SOX6: variants seen among roughly 807,000 people sequenced by gnomAD.
SOX6 encodes the protein transcription factor SOX-6.
In SOX6, 11 loss-of-function variants were observed where a neutral mutation model predicts 97.8. That is an observed-to-expected ratio of 0.11 (90% confidence interval 0.07 to 0.19). The LOEUF is 0.19. Among genes scored for constraint, SOX6 ranks in the 10% least tolerant of loss-of-function variants. SOX6 has a pLI of 1.00. For synonymous variants in SOX6, 360 were observed against 371.4 expected, an observed-to-expected ratio of 0.97 and a Z score of 0.35; for missense variants, 810 against 1,039.5, an observed-to-expected ratio of 0.78 and a Z score of 3.04.
chr11:16,175,351 G>A (rs1326088996), intron 6 of SOX6, among the ~76,000 whole-genome samples: 1 of 151,882 alleles, frequency 6.6e-6, no homozygotes, highest in Non-Finnish European at 1.5e-5. Flanking sequence ...CAAAGCTACT[G>A]TAAGGTATTG....
intron 4 of SOX6, chr11:16,567,454 G>A (rs1024459124): frequency 1.3e-5 from 2 of 152,080 alleles, no homozygotes; most frequent in Non-Finnish European, 2.9e-5. Flanking sequence ...ACGGTTGGTG[G>A]CCATTGTTGT....
chr11:16,122,600 T>C (rs1849520460), intron 6 of SOX6, among the ~76,000 whole-genome samples: 1 of 152,040 alleles, frequency 6.6e-6, no homozygotes, highest in Non-Finnish European at 1.5e-5. Context: ...AAGTATTTTA[T>C]GCAACCTTAT....
chr11:16,423,107 C>T (rs1859052097), intron 1 of SOX6, among the ~76,000 whole-genome samples: 1 of 152,206 alleles, frequency 6.6e-6, no homozygotes, highest in Non-Finnish European at 1.5e-5. Flanking sequence ...TACCAGCTAT[C>T]TTTCTAATGT....
At position 15,966,900 on chromosome 11, in the gene SOX6, A is replaced by G. The variant is rs546362089; in HGVS notation, c.*5909T>C. 1 of 152,304 alleles carries G rather than the reference A, an allele frequency of 6.6e-6. No homozygotes were observed. Among genetic ancestry groups the G allele is most frequent in the Admixed American group, 6.5e-5 (1 of 15,302 alleles). The allele number at this position is 152,304 out of a possible 1,614,324, so 9.4% of individuals were successfully genotyped here. A position where few individuals can be genotyped will look rare whatever the true frequency, so the allele number is the denominator to read the frequency against. On this transcript the variant is annotated 3_prime_UTR_variant, in exon 16 of 16. Coordinates refer to ENST00000683767, the MANE Select transcript of SOX6 (RefSeq NM_001367873.1). ...CTAAGAACAATGATTCATTCCTGTA[A>G]ATTTGAAGAGATTTTTTTTATTTTT...
chr11:16,660,304 T>C (rs1847756611), intron 3 of SOX6, among the ~76,000 whole-genome samples: 1 of 152,244 alleles, frequency 6.6e-6, no homozygotes, highest in South Asian at 2.1e-4. Flanking sequence ...ATTTTTATTT[T>C]AATTTACCTC....
At chr11:16,517,800 A>G (rs1860997261) in intron 4 of SOX6, among the ~76,000 whole-genome samples, 1 of 152,192 alleles carries the variant, frequency 6.6e-6, no homozygotes, top group Non-Finnish European at 1.5e-5. Context: ...ATATCTACAA[A>G]ATGCATATTG....
At chr11:16,591,806 G>A (rs1183879559) in intron 4 of SOX6, among the ~76,000 whole-genome samples, 1 of 152,120 alleles carries the variant, frequency 6.6e-6, no homozygotes, top group Non-Finnish European at 1.5e-5. Context: ...ACATTTGTAT[G>A]TAATCAATTT....
In SOX6 at chr11:16,111,732, G is replaced by A. The variant is rs1437733365; in HGVS notation, c.898+71C>T. On this transcript the variant is annotated intron_variant, in intron 7 of 15. Coordinates refer to ENST00000683767, the MANE Select transcript of SOX6 (RefSeq NM_001367873.1). ...AGTTCCCTGGCATGCTCCTGTGTTTGTTGTGAGTACTAAGCATAAACATGC... is the reference window on the plus strand; with the variant it reads ...AGTTCCCTGGCATGCTCCTGTGTTTATTGTGAGTACTAAGCATAAACATGC... 1.9e-6 allele frequency: 3 copies of A among 1,572,748 alleles called. No homozygotes were observed. In the East Asian group the frequency reaches 6.7e-5, roughly 35 times the overall value.
intron 1 of SOX6, among the ~76,000 whole-genome samples, chr11:16,397,014 G>A (rs1858378351): frequency 6.6e-6 from 1 of 151,080 alleles, no homozygotes; most frequent in Admixed American, 6.6e-5. Flanking sequence ...CTAGACATCT[G>A]GAAAACACCT....
At chr11:16,411,628 C>A (rs1858822119) in intron 1 of SOX6, among the ~76,000 whole-genome samples, 1 of 152,160 alleles carries the variant, frequency 6.6e-6, no homozygotes. Flanking sequence ...CTAGTCTTTA[C>A]ATGCATATTT....
At chr11:16,625,583 C>G (rs1005433453) in intron 3 of SOX6, among the ~76,000 whole-genome samples, 1 of 152,218 alleles carries the variant, frequency 6.6e-6, no homozygotes, top group Non-Finnish European at 1.5e-5. Context: ...TGGATTGAGA[C>G]TGCTCACCAG....
At chr11:16,064,235 A>G (rs1848036806) in intron 9 of SOX6, among the ~76,000 whole-genome samples, 1 of 151,716 alleles carries the variant, frequency 6.6e-6, no homozygotes, top group African/African-American at 2.4e-5. Context: ...GCAAAGTATA[A>G]GTAGACAGAG....
intron 4 of SOX6, among the ~76,000 whole-genome samples, chr11:16,559,815 T>C (rs566685138): frequency 3.1e-4 from 47 of 152,316 alleles, no homozygotes; most frequent in African/African-American, 1.1e-3. Flanking sequence ...TATTTATTTG[T>C]TGCTATTCCT....
chr11:16,208,671 G>A (rs1852137217), intron 4 of SOX6, among the ~76,000 whole-genome samples: 1 of 152,150 alleles, frequency 6.6e-6, no homozygotes, highest in South Asian at 2.1e-4. Flanking sequence ...TAGAATCTGA[G>A]CCTCCAAATT....
chr11:16,327,282 G>A (rs1856128751), intron 2 of SOX6, among the ~76,000 whole-genome samples: 1 of 152,070 alleles, frequency 6.6e-6, no homozygotes, highest in Non-Finnish European at 1.5e-5. Flanking sequence ...ATAATGCCTA[G>A]CATATAAGTA....
rs1345323951 is a variant in SOX6, at chr11:16,072,497, G to A, written c.1102-16596C>T. ...TTGATGCCCTTGAAAGAGAGGAATA[G>A]AAGGCAAGCAACTTGGAAAACATGT... On this transcript the variant is annotated intron_variant, in intron 9 of 15. Coordinates refer to ENST00000683767, the MANE Select transcript of SOX6 (RefSeq NM_001367873.1). Among the ~76,000 whole-genome samples, 8 of 152,276 alleles carry A rather than the reference G, an allele frequency of 5.3e-5. No individual in the cohort carries two copies. The East Asian group carries it at 1.5e-3, about 29-fold the overall frequency.
chr11:16,287,173 T>C (rs1306095511), intron 3 of SOX6, among the ~76,000 whole-genome samples: 1 of 151,886 alleles, frequency 6.6e-6, no homozygotes, highest in Non-Finnish European at 1.5e-5. Context: ...GTTTATTTGA[T>C]TAGGTATTTG....
intron 15 of SOX6, among the ~76,000 whole-genome samples, chr11:15,985,143 C>T (rs1035848821): frequency 6.6e-6 from 1 of 152,182 alleles, no homozygotes; most frequent in African/African-American, 2.4e-5. Flanking sequence ...TGTTTTCTTA[C>T]TCTATTTACT....
At chr11:16,402,731 C>G in intron 1 of SOX6, 1 of 1,610,392 alleles carries the variant, frequency 6.2e-7, no homozygotes, top group Non-Finnish European at 8.5e-7. Context: ...TGTTCCATCA[C>G]CTGACTTAGG....
Sources: gnomAD v4.1 joint callset for allele counts (sites outside exome capture counted in the v4.1 genomes callset) on GRCh38, gnomAD v4.1.1 for gene constraint, MANE v1.5 for transcripts, NCBI Gene and HGNC (gene_info 2026-07-23, HGNC 2026-07-21) for gene names.